The following DCP1A variants were observed in gnomAD, a reference collection of about 807,000 sequenced individuals.
DCP1A encodes mRNA-decapping enzyme 1A.
DCP1A carries 20 observed loss-of-function variants against 58.0 expected under a neutral mutation model. That is an observed-to-expected ratio of 0.34 (90% CI 0.24 to 0.50). The LOEUF is 0.50. Ranked by LOEUF, DCP1A falls within the 20% of genes least tolerant of loss-of-function variation. DCP1A has a pLI of 0.98. For missense variants in DCP1A, 613 were observed against 712.2 expected, an observed-to-expected ratio of 0.86 and a Z score of 1.59; for synonymous variants, 285 against 275.1, an observed-to-expected ratio of 1.04 and a Z score of -0.36.
Position 53,316,982 on chromosome 3 carries a change from T to C in DCP1A, c.371+2425A>G, listed in dbSNP as rs1370450582. ...GCATTAGGGGTAACACTTGCCCTGA[T>C]AGATAAACGGTTTTCTTTCAATAGT... is the stretch of plus-strand genomic sequence containing the variant. On this transcript the variant is annotated intron_variant, in intron 4 of 9. Transcript: ENST00000610213. Among the ~76,000 whole-genome samples, 8 of 152,342 alleles carry C rather than the reference T, an allele frequency of 5.3e-5. No homozygotes were observed. In the Middle Eastern group the frequency reaches 0.01, roughly 194 times the overall value.
intron 3 of DCP1A, among the ~76,000 whole-genome samples, chr3:53,341,481 A>G (rs1428657019): frequency 3.3e-5 from 5 of 152,044 alleles, no homozygotes; most frequent in Non-Finnish European, 7.4e-5. Context: ...AATAGTAATA[A>G]TAATACTTTC....
rs193087905 is a variant in DCP1A, at chr3:53,346,364, A to C, written c.135+1019T>G. ...TTTTCGATAAATTACTGATAAATAT[A>C]ATCTATGCAACTGTATTATAGGGTA... On this transcript the variant is annotated intron_variant, in intron 1 of 9. Transcript: ENST00000610213. 2.4e-4 allele frequency among the ~76,000 whole-genome samples: 37 copies of C among 152,306 alleles called. No homozygotes were observed. In the East Asian group the frequency reaches 6.7e-3, roughly 28 times the overall value.
At position 53,331,010 on chromosome 3, in the gene DCP1A, C is replaced by T. The variant is rs144784399; in HGVS notation, c.304+11134G>A. Among the ~76,000 whole-genome samples the T allele has an allele frequency of 0.013, 2,027 of 152,072 alleles. 118 individuals carry two copies. In the South Asian group the frequency reaches 0.14, roughly 11 times the overall value. ...AGTAGCTGGGACTGCAGGTGCGTGC[C>T]GCCATGCCCGGCTAATTTTTGTATT... On this transcript the variant is annotated intron_variant, in intron 3 of 9. Coordinates refer to ENST00000610213, the MANE Select transcript of DCP1A (RefSeq NM_018403.7).
chr3:53,318,303 T>TA (rs1238449339), intron 4 of DCP1A, among the ~76,000 whole-genome samples: 10 of 151,744 alleles, frequency 6.6e-5, no homozygotes, highest in African/African-American at 2.4e-4. Flanking sequence ...AGACTCTGTC[T>TA]AAAAAAAACC....
intron 9 of DCP1A, 113 bp downstream of exon 9, chr3:53,287,952 G>T: frequency 1.8e-6 from 2 of 1,100,182 alleles, no homozygotes; most frequent in Non-Finnish European, 2.6e-6. Flanking sequence ...ACTTTGCCTG[G>T]CCTCCAGCTA....
intron 1 of DCP1A, 77 bp downstream of exon 1, chr3:53,347,306 C>A: frequency 1.4e-6 from 2 of 1,412,322 alleles, no homozygotes; most frequent in Non-Finnish European, 1.9e-6. Flanking sequence ...TGCCCCCCCA[C>A]CCCACAGTAA....
At chr3:53,306,766 G>A (rs1320264808) in intron 5 of DCP1A, among the ~76,000 whole-genome samples, 6 of 104,702 alleles carry the variant, frequency 5.7e-5, no homozygotes, top group Admixed American at 1.2e-4. Flanking sequence ...GCAAGACTCC[G>A]TCTCAAAAAA....
intron 5 of DCP1A, among the ~76,000 whole-genome samples, chr3:53,307,817 A>G (rs1707520284): frequency 6.6e-6 from 1 of 152,242 alleles, no homozygotes; most frequent in South Asian, 2.1e-4. Context: ...TGAGGATTTT[A>G]CAAGGATTTA....
At chr3:53,291,057 C>G (rs1706848874) in intron 7 of DCP1A, among the ~76,000 whole-genome samples, 1 of 152,202 alleles carries the variant, frequency 6.6e-6, no homozygotes, top group Non-Finnish European at 1.5e-5. Flanking sequence ...TTCAACTGCA[C>G]TAGAGCTCTG....
intron 5 of DCP1A, among the ~76,000 whole-genome samples, chr3:53,305,645 C>T (rs1033563710): frequency 6.6e-6 from 1 of 152,124 alleles, no homozygotes; most frequent in Non-Finnish European, 1.5e-5. Flanking sequence ...CCACATCGTG[C>T]CTGGCAAAAT....
intron 4 of DCP1A, among the ~76,000 whole-genome samples, chr3:53,312,632 A>C (rs1416657691): frequency 1.3e-5 from 2 of 151,176 alleles, no homozygotes; most frequent in Admixed American, 1.3e-4. Flanking sequence ...AGTAGCTGGG[A>C]CTACAGCGCC....
At position 53,286,749 on chromosome 3, in the gene DCP1A, A is replaced by T. The variant is rs895995038; in HGVS notation, c.*831T>A. On this transcript the variant is annotated 3_prime_UTR_variant, in exon 10 of 10. Coordinates refer to ENST00000610213, the MANE Select transcript of DCP1A (RefSeq NM_018403.7). ...GTTAAGGAAAACAATCAACAATGAC[A>T]GAAAAGGAAAATAAGGCTGTGCTTC... 6.6e-6 allele frequency: 1 copy of T among 152,258 alleles called. No individual in the cohort carries two copies. Among genetic ancestry groups the T allele is most frequent in the Admixed American group, 6.5e-5 (1 of 15,288 alleles). The allele number at this position is 152,258 out of a possible 1,614,324, so 9.4% of individuals were successfully genotyped here. A position where few individuals can be genotyped will look rare whatever the true frequency, so the allele number is the denominator to read the frequency against.
chr3:53,293,916 C>G (rs1469325552), intron 6 of DCP1A, among the ~76,000 whole-genome samples: 3 of 151,658 alleles, frequency 2.0e-5, no homozygotes, highest in Admixed American at 2.0e-4. Context: ...CTGGTAAGGG[C>G]CCCCCCACCG....
At chr3:53,290,909 A>C (rs1296539924) in intron 7 of DCP1A, 53 bp from the exon 8 acceptor site, 2 of 1,447,656 alleles carry the variant, frequency 1.4e-6, no homozygotes, top group Admixed American at 2.0e-5. Flanking sequence ...TCAATTAAGA[A>C]GACTTCCTAG....
intron 3 of DCP1A, among the ~76,000 whole-genome samples, chr3:53,330,274 G>C (rs2088963338): frequency 6.6e-6 from 1 of 152,154 alleles, no homozygotes; most frequent in Admixed American, 6.5e-5. Flanking sequence ...TGGCTATAGT[G>C]TAATCCTAGC....
intron 6 of DCP1A, among the ~76,000 whole-genome samples, chr3:53,294,146 T>TA (rs1707033451): frequency 6.6e-6 from 1 of 152,166 alleles, no homozygotes; most frequent in Non-Finnish European, 1.5e-5. Context: ...TGAGACACGT[T>TA]AGAGGATCTG....
At chr3:53,337,033 C>A (rs907590279) in intron 3 of DCP1A, among the ~76,000 whole-genome samples, 9 of 151,970 alleles carry the variant, frequency 5.9e-5, no homozygotes, top group Non-Finnish European at 1.3e-4. Flanking sequence ...CCATGTCCGG[C>A]TAATTTTTTT....
At chr3:53,295,902 T>A (rs886728852) in intron 6 of DCP1A, among the ~76,000 whole-genome samples, 1 of 151,778 alleles carries the variant, frequency 6.6e-6, no homozygotes, top group Non-Finnish European at 1.5e-5. Flanking sequence ...TGGTCTTTTT[T>A]TTTTTTTTGA....
At chr3:53,343,107 T>C (rs1052935315) in intron 2 of DCP1A, among the ~76,000 whole-genome samples, 2 of 152,218 alleles carry the variant, frequency 1.3e-5, no homozygotes, top group Admixed American at 1.3e-4. Flanking sequence ...CGTTTTTCAT[T>C]TGTTTCTCTA....
Sources: gnomAD v4.1 joint callset for allele counts (sites outside exome capture counted in the v4.1 genomes callset) on GRCh38, gnomAD v4.1.1 for gene constraint, MANE v1.5 for transcripts, NCBI Gene and HGNC (gene_info 2026-07-23, HGNC 2026-07-21) for gene names.